GPC5: variants seen among roughly 807,000 people sequenced by gnomAD.
GPC5 encodes glypican-5.
A neutral mutation model predicts 53.9 loss-of-function variants in GPC5; 47 were observed. That is an observed-to-expected ratio of 0.87 (90% CI 0.69 to 1.11). The LOEUF (loss-of-function observed/expected upper bound fraction) is 1.11, where lower values mean the gene tolerates loss of function less well. Ranked by LOEUF, GPC5 falls within the 50% of genes most tolerant of loss-of-function variation. GPC5 has a pLI of 0.00. For missense variants in GPC5, 748 were observed against 713.1 expected, an observed-to-expected ratio of 1.05 and a Z score of -0.56; for synonymous variants, 286 against 263.3, an observed-to-expected ratio of 1.09 and a Z score of -0.84.
At chr13:91,873,211 G>C (rs1213918068) in intron 5 of GPC5, among the ~76,000 whole-genome samples, 1 of 152,052 alleles carries the variant, frequency 6.6e-6, no homozygotes, top group Non-Finnish European at 1.5e-5. Context: ...TAGTATTTTG[G>C]TATGTTTCTT....
At chr13:91,896,540 A>C (rs1394617280) in intron 5 of GPC5, among the ~76,000 whole-genome samples, 1 of 152,152 alleles carries the variant, frequency 6.6e-6, no homozygotes, top group African/African-American at 2.4e-5. Flanking sequence ...GAGTATGTAA[A>C]CACTGACGGA....
chr13:92,705,734 T>G (rs1253695680), intron 7 of GPC5, among the ~76,000 whole-genome samples: 1 of 152,126 alleles, frequency 6.6e-6, no homozygotes, highest in African/African-American at 2.4e-5. Context: ...AGTTATTTTT[T>G]AAACTTCTAT....
chr13:91,979,549 C>T (rs1392481874), intron 6 of GPC5, among the ~76,000 whole-genome samples: 5 of 152,164 alleles, frequency 3.3e-5, no homozygotes, highest in Non-Finnish European at 7.3e-5. Flanking sequence ...AGACTTATAT[C>T]TGCAGGTACT....
intron 7 of GPC5, among the ~76,000 whole-genome samples, chr13:92,489,827 A>C (rs1879691840): frequency 6.6e-6 from 1 of 151,984 alleles, no homozygotes; most frequent in African/African-American, 2.4e-5. Context: ...GCCAGGAAGG[A>C]ACTCTTGGTT....
intron 2 of GPC5, among the ~76,000 whole-genome samples, chr13:91,683,971 C>G (rs904942848): frequency 7.2e-5 from 11 of 152,208 alleles, no homozygotes; most frequent in African/African-American, 2.7e-4. Flanking sequence ...CAGCTGTTAT[C>G]AAGGTTGCTA....
intron 6 of GPC5, among the ~76,000 whole-genome samples, chr13:91,943,274 T>C (rs2039944740): frequency 6.6e-6 from 1 of 152,166 alleles, no homozygotes; most frequent in Non-Finnish European, 1.5e-5. Context: ...ATTATGTCAG[T>C]TAAATGAGTG....
At position 92,627,257 on chromosome 13, in the gene GPC5, G is replaced by A. The variant is rs145724647; in HGVS notation, c.1562-239025G>A. ...GGTTTCACCTTTAGCAATTTGAGGG[G>A]CAAGAAATACTTCATTTTCCCAATG... is the stretch of plus-strand genomic sequence containing the variant. On this transcript the variant is annotated intron_variant, in intron 7 of 7. Coordinates refer to ENST00000377067, the MANE Select transcript of GPC5 (RefSeq NM_004466.6). Among the ~76,000 whole-genome samples the A allele has an allele frequency of 1.3e-4, 20 of 152,268 alleles. No individual in the cohort carries two copies. In the East Asian group the frequency reaches 3.9e-3, roughly 29 times the overall value.
chr13:91,680,053 G>A (rs189159289), intron 2 of GPC5, among the ~76,000 whole-genome samples: 5 of 152,164 alleles, frequency 3.3e-5, no homozygotes, highest in East Asian at 3.9e-4. Context: ...GGAAAACAAC[G>A]TACTGTATTT....
chr13:91,693,750 C>T lies in GPC5; in HGVS notation c.889C>T (p.Arg297Trp), dbSNP rs201467327. 5.3e-5 allele frequency: 86 copies of T among 1,614,100 alleles called. 1 individual carries two copies. The highest frequency in any genetic ancestry group is 3.5e-4 in the African/African-American group (26 of 75,036). The change falls in exon 3 of 8, where the codon CGG becomes TGG. Residue 297 changes from arginine (R) to tryptophan (W), a missense_variant. Arg to Trp is a moderately radical substitution (Grantham distance 101, BLOSUM62 -3). Transcript: ENST00000377067. ...TAATCCACACTGGCATGCATATATCCGGTCGTTGGAAGAACTCTCGGATGC... is the reference window on the plus strand; with the variant it reads ...TAATCCACACTGGCATGCATATATCTGGTCGTTGGAAGAACTCTCGGATGC... ...ELNPHWHAYI[R>W]SLEELSDAMH...
At chr13:92,741,553 G>A (rs1302183873) in intron 7 of GPC5, among the ~76,000 whole-genome samples, 1 of 151,780 alleles carries the variant, frequency 6.6e-6, no homozygotes, top group African/African-American at 2.4e-5. Context: ...ATAATGGAAG[G>A]CAACTTTAGG....
At chr13:92,173,077 TTCAA>T (rs2042082194) in intron 7 of GPC5, among the ~76,000 whole-genome samples, 1 of 151,850 alleles carries the variant, frequency 6.6e-6, no homozygotes, top group Admixed American at 6.6e-5. Context: ...TGCTTATAGA[TTCAA>T]TCAATCTGTA....
intron 7 of GPC5, among the ~76,000 whole-genome samples, chr13:92,582,951 A>G (rs1355719633): frequency 6.6e-6 from 1 of 151,954 alleles, no homozygotes; most frequent in Non-Finnish European, 1.5e-5. Context: ...TGATTTAACT[A>G]TTTTCCTTCC....
At chr13:92,358,271 T>C (rs779117838) in intron 7 of GPC5, among the ~76,000 whole-genome samples, 5 of 151,746 alleles carry the variant, frequency 3.3e-5, no homozygotes, top group Non-Finnish European at 5.9e-5. Flanking sequence ...CTAGTCCACA[T>C]TGATACAAGG....
chr13:92,479,217 T>G (rs1462203441), intron 7 of GPC5, among the ~76,000 whole-genome samples: 2 of 152,094 alleles, frequency 1.3e-5, no homozygotes, highest in Non-Finnish European at 2.9e-5. Context: ...GAAAAGAGTA[T>G]AGGCTCAGGA....
chr13:92,049,542 C>T (rs1446989500), intron 6 of GPC5, among the ~76,000 whole-genome samples: 1 of 152,168 alleles, frequency 6.6e-6, no homozygotes, highest in South Asian at 2.1e-4. Flanking sequence ...ATTATCAATT[C>T]TGCTTAGCTT....
intron 2 of GPC5, among the ~76,000 whole-genome samples, chr13:91,572,238 C>T (rs111965116): frequency 0.32 from 31,251 of 96,914 alleles, 5,206 homozygotes; most frequent in African/African-American, 0.47. Context: ...TATGTATATA[C>T]ATGTGTATAT....
chr13:91,672,004 A>C (rs1325521833), intron 2 of GPC5, among the ~76,000 whole-genome samples: 1 of 152,184 alleles, frequency 6.6e-6, no homozygotes, highest in East Asian at 1.9e-4. Flanking sequence ...AGGATGTCCT[A>C]TTCAGTAAAT....
At chr13:92,136,812 CCAGA>C in intron 6 of GPC5, among the ~76,000 whole-genome samples, 1 of 152,228 alleles carries the variant, frequency 6.6e-6, no homozygotes, top group East Asian at 1.9e-4. Flanking sequence ...TGGGATATTG[CCAGA>C]CAGTTAGTAA....
At chr13:91,748,334 A>AT (rs1260956587) in intron 4 of GPC5, among the ~76,000 whole-genome samples, 2 of 152,236 alleles carry the variant, frequency 1.3e-5, no homozygotes, top group East Asian at 1.9e-4. Context: ...GATTCCTTCT[A>AT]TTTTTTAATG....
Sources: gnomAD v4.1 joint callset for allele counts (sites outside exome capture counted in the v4.1 genomes callset) on GRCh38, gnomAD v4.1.1 for gene constraint, MANE v1.5 for transcripts, NCBI Gene and HGNC (gene_info 2026-07-23, HGNC 2026-07-21) for gene names.